The following SLC44A5 variants were observed in gnomAD, a reference collection of about 807,000 sequenced individuals.
SLC44A5 encodes the protein choline transporter-like protein 5.
A neutral mutation model predicts 101.8 loss-of-function variants in SLC44A5; 57 were observed. The ratio of observed to expected loss-of-function variants is 0.56; its 90% confidence interval spans 0.45 to 0.70. The LOEUF (loss-of-function observed/expected upper bound fraction) is 0.70, where lower values mean the gene tolerates loss of function less well. Ranked by LOEUF, SLC44A5 falls within the 30% of genes least tolerant of loss-of-function variation. The probability of loss-of-function intolerance (pLI) is 0.00; values close to 1 mark genes in which losing one functional copy is unlikely to be tolerated. For missense variants in SLC44A5, 737 were observed against 853.1 expected (o/e 0.86, Z 1.70); for synonymous variants, 281 against 290.9 (o/e 0.97, Z 0.35).
intron 22 of SLC44A5, 26 bp downstream of exon 22, chr1:75,213,677 CTG>C (rs1646903280): frequency 7.0e-7 from 1 of 1,438,554 alleles, no homozygotes; most frequent in African/African-American, 1.4e-5. Context: ...TTATAGCAGC[CTG>C]TACTGACTCA....
At chr1:75,396,256 T>A (rs1032913284) in intron 3 of SLC44A5, among the ~76,000 whole-genome samples, 1 of 152,008 alleles carries the variant, frequency 6.6e-6, no homozygotes, top group Non-Finnish European at 1.5e-5. Flanking sequence ...AGAGAGAGAT[T>A]TGAACAAGAC....
In SLC44A5 at chr1:75,363,146, T is replaced by A. The variant is rs184689211; in HGVS notation, c.53-23516A>T. Among the ~76,000 whole-genome samples, 130 of 152,214 alleles carry A rather than the reference T, an allele frequency of 8.5e-4. 1 individual carries two copies. In the East Asian group the frequency reaches 0.011, roughly 12 times the overall value. Reference sequence around the variant, plus strand: ...TGCTCTCATTTGGTTTCCATTTGCATGGATATCTTTTTCTATCTTTTCACT... The same window carrying A: ...TGCTCTCATTTGGTTTCCATTTGCAAGGATATCTTTTTCTATCTTTTCACT... On this transcript the variant is annotated intron_variant, in intron 3 of 23. Coordinates refer to ENST00000370859, the MANE Select transcript of SLC44A5 (RefSeq NM_001130058.2).
At chr1:75,668,682 C>T in the SLC44A5 span, among the ~76,000 whole-genome samples, 1 of 151,352 alleles carries the variant, frequency 6.6e-6, no homozygotes, top group East Asian at 1.9e-4. Context: ...GTTAAAGGAA[C>T]ATTTGACTGT....
In SLC44A5 at chr1:75,476,709, G is replaced by A. The variant is rs574828574; in HGVS notation, c.13+64726C>T. Reference sequence around the variant, plus strand: ...CAGCAAGGCTGCGGGAGGGGCGCCCGCCATTACCCAGGCTTGCTTAGGTAG... The same window carrying A: ...CAGCAAGGCTGCGGGAGGGGCGCCCACCATTACCCAGGCTTGCTTAGGTAG... On this transcript the variant is annotated intron_variant, in intron 2 of 23. Coordinates refer to ENST00000370859, the MANE Select transcript of SLC44A5 (RefSeq NM_001130058.2). Among the ~76,000 whole-genome samples the A allele has an allele frequency of 4.6e-4, 70 of 152,340 alleles. 1 individual carries two copies. Among genetic ancestry groups the A allele is most frequent in the African/African-American group, 1.3e-3 (56 of 41,582 alleles).
chr1:75,568,049 G>T (rs1403215024), intron 1 of SLC44A5, among the ~76,000 whole-genome samples: 1 of 152,074 alleles, frequency 6.6e-6, no homozygotes, highest in East Asian at 1.9e-4. Context: ...CTTATGTATT[G>T]GTGCCTAAGA....
intron 2 of SLC44A5, among the ~76,000 whole-genome samples, chr1:75,537,072 G>A (rs1380225364): frequency 7.6e-6 from 1 of 131,660 alleles, no homozygotes; most frequent in African/African-American, 2.7e-5. Flanking sequence ...TATGTATATA[G>A]CTTAAAAACT....
intron 8 of SLC44A5, among the ~76,000 whole-genome samples, chr1:75,242,590 A>G (rs181567757): frequency 6.6e-6 from 1 of 152,138 alleles, no homozygotes; most frequent in Non-Finnish European, 1.5e-5. Flanking sequence ...AATGACATTA[A>G]CTCCTAGTTC....
chr1:75,254,221 TG>T (rs1402427317), intron 6 of SLC44A5, among the ~76,000 whole-genome samples: 33 of 152,092 alleles, frequency 2.2e-4, no homozygotes, highest in Admixed American at 4.6e-4. Context: ...GTCCTTTTAG[TG>T]GAGACGTGGT....
chr1:75,299,891 C>T (rs1208098024), intron 5 of SLC44A5, among the ~76,000 whole-genome samples: 3 of 151,320 alleles, frequency 2.0e-5, no homozygotes, highest in African/African-American at 4.9e-5. Context: ...TAGTGCATGC[C>T]TGTAATCCCA....
chr1:75,331,882 A>G (rs1461871567), intron 4 of SLC44A5, among the ~76,000 whole-genome samples: 2 of 152,056 alleles, frequency 1.3e-5, no homozygotes, highest in African/African-American at 4.8e-5. Context: ...TCTCATTTCA[A>G]TTGTCACCTC....
At chr1:75,219,382 A>G (rs953292187) in intron 15 of SLC44A5, 38 bp from the exon 16 acceptor site, 19 of 1,390,354 alleles carry the variant, frequency 1.4e-5, no homozygotes, top group Non-Finnish European at 1.7e-5. Context: ...ATTTGCTGGT[A>G]GATTGAAAAT....
the SLC44A5 span, among the ~76,000 whole-genome samples, chr1:75,644,868 T>C: frequency 6.8e-6 from 1 of 146,572 alleles, no homozygotes; most frequent in African/African-American, 2.5e-5. Flanking sequence ...TTCCCACCTA[T>C]GAGTGAGAAC....
At chr1:75,346,384 C>T (rs944951475) in intron 3 of SLC44A5, among the ~76,000 whole-genome samples, 1 of 152,024 alleles carries the variant, frequency 6.6e-6, no homozygotes, top group Non-Finnish European at 1.5e-5. Context: ...AAATCATAAA[C>T]AATTCAGTTA....
At chr1:75,328,386 G>C (rs17096754) in intron 4 of SLC44A5, among the ~76,000 whole-genome samples, 1 of 152,184 alleles carries the variant, frequency 6.6e-6, no homozygotes, top group Non-Finnish European at 1.5e-5. Flanking sequence ...TCTCTAAAAA[G>C]AGGAGATATG....
In SLC44A5 at chr1:75,202,742, A is replaced by G. The variant is rs1646684167; in HGVS notation, c.*985T>C. ...TCGAGGAGTAAAGTTTCCCTTTGCA[A>G]TTCCTAGAAGTTTCTCTTTCTGATC... On this transcript the variant is annotated 3_prime_UTR_variant, in exon 24 of 24. Transcript: ENST00000370859. 1 of 152,160 alleles carries G rather than the reference A, an allele frequency of 6.6e-6. No individual in the cohort carries two copies. The highest frequency in any genetic ancestry group is 2.4e-5 in the African/African-American group (1 of 41,450). The allele number at this position is 152,160 out of a possible 1,614,324, so 9.4% of individuals were successfully genotyped here.
chr1:75,430,157 C>A (rs752230852), intron 2 of SLC44A5, among the ~76,000 whole-genome samples: 1 of 152,150 alleles, frequency 6.6e-6, no homozygotes, highest in Non-Finnish European at 1.5e-5. Flanking sequence ...TGTTTAGGCT[C>A]TGCCTTTATG....
At chr1:75,515,844 A>C (rs1309714085) in intron 2 of SLC44A5, among the ~76,000 whole-genome samples, 5 of 151,484 alleles carry the variant, frequency 3.3e-5, no homozygotes, top group Non-Finnish European at 7.4e-5. Flanking sequence ...ATAGAATTTT[A>C]TATAATGGCT....
chr1:75,399,722 C>G (rs2101424721), intron 2 of SLC44A5, among the ~76,000 whole-genome samples: 1 of 152,100 alleles, frequency 6.6e-6, no homozygotes, highest in East Asian at 1.9e-4. Context: ...AATTGTATAT[C>G]TGGAAGGAAA....
intron 9 of SLC44A5, among the ~76,000 whole-genome samples, chr1:75,240,883 G>A (rs556319012): frequency 2.0e-5 from 3 of 151,978 alleles, no homozygotes; most frequent in East Asian, 1.9e-4. Context: ...GGTATATTTC[G>A]TTCCAATCTT....
Sources: gnomAD v4.1 joint callset for allele counts (sites outside exome capture counted in the v4.1 genomes callset) on GRCh38, gnomAD v4.1.1 for gene constraint, MANE v1.5 for transcripts, NCBI Gene and HGNC (gene_info 2026-07-23, HGNC 2026-07-21) for gene names.